The following GSK3B variants were observed in gnomAD, a reference collection of about 807,000 sequenced individuals.
GSK3B encodes glycogen synthase kinase 3 beta.
GSK3B carries 15 observed loss-of-function variants against 56.4 expected under a neutral mutation model. The ratio of observed to expected loss-of-function variants is 0.27; its 90% CI spans 0.18 to 0.41. GSK3B has a LOEUF of 0.41. GSK3B is among the 10% of genes least tolerant of loss of function. The probability of loss-of-function intolerance (pLI) is 1.00; values close to 1 mark genes in which losing one functional copy is unlikely to be tolerated. For missense variants in GSK3B, 300 were observed against 513.4 expected (o/e 0.58, Z 4.02); for synonymous variants, 181 against 188.9 (o/e 0.96, Z 0.34).
chr3:120,020,864 C>T (rs1183084249), intron 1 of GSK3B, among the ~76,000 whole-genome samples: 1 of 152,200 alleles, frequency 6.6e-6, no homozygotes, highest in African/African-American at 2.4e-5. Flanking sequence ...AAAAGTGCTA[C>T]TCCAGTAAAC....
rs2055456140 is a variant in GSK3B, at chr3:119,823,933, C to T, written c.*2855G>A. 5.1e-6 allele frequency: 1 copy of T among 195,576 alleles called. No individual in the cohort carries two copies. Among genetic ancestry groups the T allele is most frequent in the African/African-American group, 2.3e-5 (1 of 43,014 alleles). 12.1% of individuals were successfully genotyped at this position (195,576 alleles called of 1,614,324 possible). A position where few individuals can be genotyped will look rare whatever the true frequency, so the allele number is the denominator to read the frequency against. The stretch of plus-strand genomic sequence containing the variant: ...AAAGAACAAATTAAAAAAAAAAACA[C>T]ATGGAAGCGAAGGCACTCCAAACTA... On this transcript the variant is annotated 3_prime_UTR_variant, in exon 11 of 11. Transcript: ENST00000264235.
chr3:120,088,565 C>G (rs1438467139), intron 1 of GSK3B, among the ~76,000 whole-genome samples: 6 of 152,190 alleles, frequency 3.9e-5, no homozygotes, highest in Admixed American at 3.9e-4. Context: ...TGAAAATGCT[C>G]TTCTTCTGAA....
At chr3:119,830,625 A>G (rs1052608651) in intron 10 of GSK3B, among the ~76,000 whole-genome samples, 6 of 152,222 alleles carry the variant, frequency 3.9e-5, no homozygotes, top group African/African-American at 1.4e-4. Flanking sequence ...ATTATAAATG[A>G]TCTGACTATG....
At chr3:119,982,263 G>C (rs2057470586) in intron 2 of GSK3B, among the ~76,000 whole-genome samples, 2 of 152,162 alleles carry the variant, frequency 1.3e-5, no homozygotes, top group Non-Finnish European at 2.9e-5. Context: ...AGGAGAACCA[G>C]AGCAGAAAAG....
intron 9 of GSK3B, among the ~76,000 whole-genome samples, chr3:119,862,495 G>A (rs567252287): frequency 1.8e-5 from 2 of 114,068 alleles, no homozygotes; most frequent in African/African-American, 6.4e-5. Flanking sequence ...TGCACAATGT[G>A]CACATGTACC....
At chr3:119,861,447 G>T (rs1398644596) in intron 9 of GSK3B, among the ~76,000 whole-genome samples, 5 of 151,080 alleles carry the variant, frequency 3.3e-5, no homozygotes, top group African/African-American at 1.2e-4. Context: ...GGAGGTGGAG[G>T]TTGCAGCGAG....
chr3:119,936,096 T>C (rs989059522), intron 3 of GSK3B, among the ~76,000 whole-genome samples: 1 of 151,772 alleles, frequency 6.6e-6, no homozygotes, highest in Admixed American at 6.6e-5. Flanking sequence ...TAACACTATA[T>C]CTATGAAAAA....
At chr3:119,869,636 A>C (rs1044568154) in intron 8 of GSK3B, among the ~76,000 whole-genome samples, 2 of 152,252 alleles carry the variant, frequency 1.3e-5, no homozygotes, top group African/African-American at 4.8e-5. Flanking sequence ...AGGTAAGAAA[A>C]GTTATACAGT....
At chr3:119,932,770 T>C (rs2056959043) in intron 3 of GSK3B, among the ~76,000 whole-genome samples, 1 of 152,084 alleles carries the variant, frequency 6.6e-6, no homozygotes, top group African/African-American at 2.4e-5. Context: ...AAAACACAAA[T>C]AGTACTTGGA....
intron 1 of GSK3B, among the ~76,000 whole-genome samples, chr3:120,010,936 T>G (rs890013839): frequency 5.3e-5 from 8 of 152,108 alleles, no homozygotes; most frequent in African/African-American, 1.7e-4. Context: ...AACACAGTGA[T>G]GCACACATGT....
chr3:119,997,132 T>C (rs1309393588), intron 2 of GSK3B, among the ~76,000 whole-genome samples: 1 of 152,144 alleles, frequency 6.6e-6, no homozygotes, highest in Non-Finnish European at 1.5e-5. Flanking sequence ...GGTTTCTAGG[T>C]AAGCTAGAAA....
intron 3 of GSK3B, among the ~76,000 whole-genome samples, chr3:119,945,217 AT>A (rs1466021160): frequency 1.3e-5 from 2 of 152,138 alleles, no homozygotes; most frequent in Non-Finnish European, 2.9e-5. Flanking sequence ...AAGGACCATT[AT>A]TTTCAGCAAT....
In GSK3B at chr3:119,821,739, C is replaced by A; in HGVS notation, c.*5049G>T. On this transcript the variant is annotated 3_prime_UTR_variant, in exon 11 of 11. Transcript: ENST00000264235. ...TCCTCTACATCAAATCCAAAGGTTT[C>A]CAAGGTGGAAGCTGCACCTCTTGGG... 1 of 154,868 alleles carries A rather than the reference C, an allele frequency of 6.5e-6. No individual in the cohort carries two copies. The highest frequency in any genetic ancestry group is 1.4e-5 in the Non-Finnish European group (1 of 69,506). 9.6% of individuals were successfully genotyped at this position (154,868 alleles called of 1,614,324 possible).
At chr3:119,861,435 TG>T (rs2056100088) in intron 9 of GSK3B, among the ~76,000 whole-genome samples, 1 of 149,018 alleles carries the variant, frequency 6.7e-6, no homozygotes, top group Non-Finnish European at 1.5e-5. Flanking sequence ...TGTTTGAATC[TG>T]GGAGGTGGAG....
At chr3:120,025,803 T>G (rs1031128646) in intron 1 of GSK3B, among the ~76,000 whole-genome samples, 10 of 152,134 alleles carry the variant, frequency 6.6e-5, no homozygotes, top group Non-Finnish European at 1.3e-4. Flanking sequence ...GCAGAAGATG[T>G]TTGTAGAAAA....
intron 1 of GSK3B, among the ~76,000 whole-genome samples, chr3:120,023,406 TAG>T (rs1265729779): frequency 3.3e-5 from 5 of 151,444 alleles, no homozygotes; most frequent in African/African-American, 1.2e-4. Flanking sequence ...CAAAAATTTG[TAG>T]AGTCATCCTT....
chr3:119,894,233 C>T (rs1036345682), intron 7 of GSK3B, among the ~76,000 whole-genome samples: 5 of 151,996 alleles, frequency 3.3e-5, no homozygotes, highest in East Asian at 1.9e-4. Flanking sequence ...ATAAACTTTG[C>T]GTACATGTTT....
In GSK3B at chr3:119,915,927, C is replaced by A. The variant is rs958177810; in HGVS notation, c.608+117G>T. 2.5e-5 allele frequency: 17 copies of A among 681,500 alleles called. No individual in the cohort carries two copies. In the African/African-American group the frequency reaches 3.1e-4, roughly 12 times the overall value. 42.2% of individuals were successfully genotyped at this position (681,500 alleles called of 1,614,324 possible). A position where few individuals can be genotyped will look rare whatever the true frequency, so the allele number is the denominator to read the frequency against. Reference sequence around the variant, plus strand: ...ACTCTCACAGCTGCACTAGTTTATACTTCTTGAATAAGAATTACTGTGTTT... The same window carrying A: ...ACTCTCACAGCTGCACTAGTTTATAATTCTTGAATAAGAATTACTGTGTTT... On this transcript the variant is annotated intron_variant, in intron 5 of 10. Transcript: ENST00000264235.
intron 7 of GSK3B, among the ~76,000 whole-genome samples, chr3:119,877,469 T>C (rs1424301273): frequency 6.6e-6 from 1 of 152,226 alleles, no homozygotes; most frequent in African/African-American, 2.4e-5. Flanking sequence ...TTATTCTTCA[T>C]TAATGTATTT....
Sources: allele counts gnomAD v4.1 joint callset (sites outside exome capture counted in the v4.1 genomes callset), GRCh38; gene constraint gnomAD v4.1.1; transcripts MANE v1.5; gene names NCBI Gene and HGNC (gene_info 2026-07-23, HGNC 2026-07-21).